Variants in CALCR observed in about 807,000 individuals in gnomAD.
The protein encoded by CALCR is calcitonin receptor.
In CALCR, 47 loss-of-function variants were observed where a neutral mutation model predicts 59.5. The ratio of observed to expected loss-of-function variants is 0.79; its 90% CI spans 0.63 to 1.01. The LOEUF (loss-of-function observed/expected upper bound fraction) is 1.01. CALCR is among the 50% of genes least tolerant of loss of function. The probability of loss-of-function intolerance (pLI) is 0.00; values close to 1 mark genes in which losing one functional copy is unlikely to be tolerated. For missense variants in CALCR, 566 were observed against 597.1 expected (o/e 0.95, Z 0.54); for synonymous variants, 213 against 211.3 (o/e 1.01, Z -0.07).
At position 93,424,637 on chromosome 7, in the gene CALCR, T is replaced by G. The variant is rs1443766983; in HGVS notation, c.*1719A>C. On this transcript the variant is annotated 3_prime_UTR_variant, in exon 14 of 14. Transcript: ENST00000426151. ...AACTATGTGCAATTCTATAATAAGC[T>G]ATTTTGTTTTCTTCAACCCCTACTA... 3.9e-5 allele frequency: 6 copies of G among 152,642 alleles called. No individual in the cohort carries two copies. The highest frequency in any genetic ancestry group is 7.4e-5 in the Non-Finnish European group (5 of 68,016). 9.5% of individuals were successfully genotyped at this position (152,642 alleles called of 1,614,324 possible).
chr7:93,431,809 A>G (rs1309352929), intron 13 of CALCR, among the ~76,000 whole-genome samples: 2 of 152,336 alleles, frequency 1.3e-5, no homozygotes, highest in African/African-American at 2.4e-5. Context: ...TCCACGATGT[A>G]CGGAGAATAG....
intron 8 of CALCR, among the ~76,000 whole-genome samples, chr7:93,460,280 G>T (rs1800288426): frequency 6.6e-6 from 1 of 151,958 alleles, no homozygotes; most frequent in Non-Finnish European, 1.5e-5. Context: ...TTTGGGCCGG[G>T]TGTGGTGGCT....
At chr7:93,436,666 T>C (rs1374658156) in intron 11 of CALCR, among the ~76,000 whole-genome samples, 1 of 152,196 alleles carries the variant, frequency 6.6e-6, no homozygotes, top group East Asian at 1.9e-4. Context: ...AAGTGCCTTT[T>C]GTATCCTGCT....
chr7:93,541,769 C>T (rs575422281), intron 2 of CALCR, among the ~76,000 whole-genome samples: 1 of 152,302 alleles, frequency 6.6e-6, no homozygotes, highest in South Asian at 2.1e-4. Flanking sequence ...GTGGCTGGAA[C>T]TATTCACCCT....
At chr7:93,507,751 CAAAAAAAA>C (rs562704303) in intron 2 of CALCR, among the ~76,000 whole-genome samples, 2 of 52,044 alleles carry the variant, frequency 3.8e-5, no homozygotes, top group African/African-American at 5.7e-5. Context: ...ACTAAAAATA[CAAAAAAAA>C]AAAAAAAAAA....
intron 7 of CALCR, among the ~76,000 whole-genome samples, chr7:93,468,498 T>C (rs1400407246): frequency 1.3e-5 from 2 of 151,768 alleles, no homozygotes; most frequent in Admixed American, 6.6e-5. Context: ...ATATAGTACT[T>C]TTGAAAATGA....
chr7:93,467,066 A>T (rs984054181), intron 7 of CALCR, among the ~76,000 whole-genome samples: 10 of 151,772 alleles, frequency 6.6e-5, no homozygotes, highest in African/African-American at 1.9e-4. Flanking sequence ...GATTATATTT[A>T]AAAAACTTAA....
At chr7:93,454,916 TTGTG>T (rs4015273) in intron 8 of CALCR, among the ~76,000 whole-genome samples, 57,283 of 144,742 alleles carry the variant, frequency 0.4, 11,974 homozygotes, top group Non-Finnish European at 0.49. Context: ...ACAGGGCATT[TTGTG>T]TGTGTGTGTG....
chr7:93,436,162 G>T lies in CALCR; in HGVS notation c.939C>A (p.Phe313Leu), dbSNP rs199570255. The T allele has an allele frequency of 1.2e-6, 2 of 1,613,744 alleles. No individual in the cohort carries two copies. The highest frequency in any genetic ancestry group is 1.7e-6 in the Non-Finnish European group (2 of 1,179,604). ...CCCGGACAATGTTGAGCAAAAAGAA[G>T]AAATTGACCTGCAAATATACGGTGT... Reference protein sequence around the residue: ...GPVMAALVVNFFFLLNIVRVL... With the variant: ...GPVMAALVVNLFFLLNIVRVL... The change falls in exon 12 of 14, where the codon TTC becomes TTA. Residue 313 changes from phenylalanine to leucine, a missense_variant. Phe to Leu is a conservative substitution (Grantham distance 22). Transcript: ENST00000426151.
chr7:93,569,786 A>G (rs1789958312), intron 2 of CALCR, among the ~76,000 whole-genome samples: 1 of 152,162 alleles, frequency 6.6e-6, no homozygotes, highest in African/African-American at 2.4e-5. Flanking sequence ...GAGAATGATT[A>G]ATACATTTTA....
intron 2 of CALCR, among the ~76,000 whole-genome samples, chr7:93,507,389 A>G (rs1467994507): frequency 2.0e-5 from 3 of 152,148 alleles, no homozygotes. Flanking sequence ...AGGGAGAGCC[A>G]GCTGTCAGGG....
At chr7:93,494,045 C>T (rs1334140932) in intron 2 of CALCR, among the ~76,000 whole-genome samples, 1 of 151,310 alleles carries the variant, frequency 6.6e-6, no homozygotes, top group African/African-American at 2.4e-5. Flanking sequence ...AATGTAGCCT[C>T]TGAGAGAAGA....
intron 2 of CALCR, among the ~76,000 whole-genome samples, chr7:93,557,407 T>G (rs1356568217): frequency 1.3e-5 from 2 of 151,916 alleles, no homozygotes; most frequent in Non-Finnish European, 2.9e-5. Flanking sequence ...AGTTTTTAAG[T>G]CTTAAAAATA....
intron 13 of CALCR, among the ~76,000 whole-genome samples, chr7:93,431,072 T>C (rs1421144162): frequency 6.6e-6 from 1 of 152,102 alleles, no homozygotes; most frequent in Non-Finnish European, 1.5e-5. Context: ...TAGAATATGA[T>C]ATAGGTAGAG....
At chr7:93,481,616 G>T (rs570652225) in intron 3 of CALCR, among the ~76,000 whole-genome samples, 104 of 151,914 alleles carry the variant, frequency 6.8e-4, no homozygotes, top group Admixed American at 8.5e-4. Flanking sequence ...ATTTGGAGAT[G>T]GTAGCAAGCC....
At chr7:93,494,757 A>G (rs1351512308) in intron 2 of CALCR, among the ~76,000 whole-genome samples, 1 of 151,400 alleles carries the variant, frequency 6.6e-6, no homozygotes, top group African/African-American at 2.4e-5. Context: ...AGCTGTGAAG[A>G]AAGGAGGTGC....
intron 8 of CALCR, among the ~76,000 whole-genome samples, chr7:93,447,814 C>T (rs1800034468): frequency 6.6e-6 from 1 of 151,902 alleles, no homozygotes; most frequent in Non-Finnish European, 1.5e-5. Context: ...AAGCTGTTTT[C>T]CTTACTAAAA....
At chr7:93,549,749 A>T (rs1289862889) in intron 2 of CALCR, among the ~76,000 whole-genome samples, 1 of 152,242 alleles carries the variant, frequency 6.6e-6, no homozygotes, top group Non-Finnish European at 1.5e-5. Flanking sequence ...TGCAAAGCCA[A>T]TGCAGCTATG....
chr7:93,539,193 A>G (rs191793495), intron 2 of CALCR, among the ~76,000 whole-genome samples: 9 of 152,280 alleles, frequency 5.9e-5, no homozygotes, highest in African/African-American at 1.9e-4. Context: ...TGAAATCCCA[A>G]TCACTTAAAT....
Sources: gnomAD v4.1 joint callset for allele counts (sites outside exome capture counted in the v4.1 genomes callset) on GRCh38, gnomAD v4.1.1 for gene constraint, MANE v1.5 for transcripts, NCBI Gene and HGNC (gene_info 2026-07-23, HGNC 2026-07-21) for gene names.